EPHA5: variants seen among roughly 807,000 people sequenced by gnomAD.
The protein encoded by EPHA5 is EPH receptor A5, also known as ephrin type-A receptor 5.
In EPHA5, 60 loss-of-function variants were observed where a neutral mutation model predicts 105.0. The ratio of observed to expected loss-of-function variants is 0.57; its 90% confidence interval spans 0.46 to 0.71. The LOEUF is 0.71. Among genes scored for constraint, EPHA5 ranks in the 30% least tolerant of loss-of-function variants. EPHA5 has a pLI of 0.00. For synonymous variants in EPHA5, 513 were observed against 449.1 expected (o/e 1.14, Z -1.80); for missense variants, 1,218 against 1,274.7 (o/e 0.96, Z 0.68).
chr4:65,635,756 A>G (rs1489002105), intron 2 of EPHA5, among the ~76,000 whole-genome samples: 7 of 152,206 alleles, frequency 4.6e-5, no homozygotes, highest in Non-Finnish European at 7.3e-5. Flanking sequence ...GGCTTAGACT[A>G]TATAAATTAA....
chr4:65,324,189 G>C lies in EPHA5; in HGVS notation c.2976C>G (p.Val992=), dbSNP rs756045103. ...EDLRRLGVTL[V]GHQKKIMNSL... ...TGTTCATGATCTTCTTCTGGTGACC[G>C]ACAAGAGTCACTCCAAGCCGTCTCA... Residue 992 remains valine, a synonymous_variant, in exon 17 of 17, where the codon GTC becomes GTG. Coordinates refer to ENST00000613740, the MANE Select transcript of EPHA5 (RefSeq NM_001281766.3). 1 of 1,609,058 alleles carries C rather than the reference G, an allele frequency of 6.2e-7. No individual in the cohort carries two copies. Among genetic ancestry groups the C allele is most frequent in the Non-Finnish European group, 8.5e-7 (1 of 1,176,764 alleles).
chr4:65,324,383 C>A (rs1000229411), intron 16 of EPHA5, among the ~76,000 whole-genome samples, 164 bp from the exon 17 acceptor site: 1 of 151,368 alleles, frequency 6.6e-6, no homozygotes, highest in South Asian at 2.1e-4. Context: ...AAAATTATAC[C>A]TCCAAAATCT....
intron 5 of EPHA5, among the ~76,000 whole-genome samples, chr4:65,477,068 T>A (rs1484470328): frequency 6.6e-6 from 1 of 152,244 alleles, no homozygotes; most frequent in African/African-American, 2.4e-5. Flanking sequence ...TCACGAGTGG[T>A]AAGAACTGTT....
intron 5 of EPHA5, among the ~76,000 whole-genome samples, chr4:65,459,461 A>T (rs1250426803): frequency 6.6e-6 from 1 of 151,896 alleles, no homozygotes; most frequent in Admixed American, 6.6e-5. Flanking sequence ...ATATATATAA[A>T]TACTTTCATT....
At chr4:65,624,601 T>C (rs1285997681) in intron 2 of EPHA5, among the ~76,000 whole-genome samples, 1 of 152,204 alleles carries the variant, frequency 6.6e-6, no homozygotes, top group Non-Finnish European at 1.5e-5. Context: ...TAAAATTCAA[T>C]AAACACAATG....
At chr4:65,339,912 C>T (rs1721549527) in intron 14 of EPHA5, among the ~76,000 whole-genome samples, 1 of 152,178 alleles carries the variant, frequency 6.6e-6, no homozygotes, top group Non-Finnish European at 1.5e-5. Context: ...GACAGTGGCC[C>T]TGGCTGTGAG....
At chr4:65,591,003 C>T (rs1475590347) in intron 3 of EPHA5, among the ~76,000 whole-genome samples, 1 of 152,026 alleles carries the variant, frequency 6.6e-6, no homozygotes, top group Non-Finnish European at 1.5e-5. Context: ...TGTGTGATAT[C>T]AGGCAGGTTA....
At chr4:65,498,190 G>C (rs891290272) in intron 3 of EPHA5, among the ~76,000 whole-genome samples, 1 of 151,874 alleles carries the variant, frequency 6.6e-6, no homozygotes, top group East Asian at 1.9e-4. Flanking sequence ...AGATACTAAA[G>C]AATTGATCAA....
chr4:65,320,428 T>G lies in EPHA5; in HGVS notation c.*3686A>C, dbSNP rs1577794770. On this transcript the variant is annotated 3_prime_UTR_variant, in exon 17 of 17. Transcript: ENST00000613740. ...TGGCAGGACATTAGCAAAGACAGTT[T>G]ACTATCACACTTCTTTTTTTTCTTA... 4.4e-6 allele frequency: 1 copy of G among 229,836 alleles called. No individual in the cohort carries two copies. The highest frequency in any genetic ancestry group is 1.8e-4 in the South Asian group (1 of 5,508). 14.2% of individuals were successfully genotyped at this position (229,836 alleles called of 1,614,324 possible).
chr4:65,668,864 C>T (rs1222821012), intron 1 of EPHA5, among the ~76,000 whole-genome samples: 2 of 151,920 alleles, frequency 1.3e-5, no homozygotes, highest in Non-Finnish European at 2.9e-5. Flanking sequence ...CCTCCTGCCG[C>T]GGCATCCCAC....
At chr4:65,532,251 G>A (rs911995149) in intron 3 of EPHA5, among the ~76,000 whole-genome samples, 68 of 151,980 alleles carry the variant, frequency 4.5e-4, no homozygotes, top group Non-Finnish European at 7.2e-4. Flanking sequence ...ATTAGTAATG[G>A]AATTTAATGT....
At chr4:65,396,443 G>A (rs1388609633) in intron 8 of EPHA5, among the ~76,000 whole-genome samples, 2 of 152,130 alleles carry the variant, frequency 1.3e-5, no homozygotes, top group Admixed American at 6.5e-5. Flanking sequence ...TGAAAAGCAG[G>A]CCACCCTGCA....
At chr4:65,598,613 C>A (rs138602946) in intron 3 of EPHA5, among the ~76,000 whole-genome samples, 2 of 152,172 alleles carry the variant, frequency 1.3e-5, no homozygotes, top group African/African-American at 4.8e-5. Context: ...AATAATAGTT[C>A]TAAATTGTTT....
intron 5 of EPHA5, among the ~76,000 whole-genome samples, chr4:65,461,723 G>T (rs1728139931): frequency 6.6e-6 from 1 of 151,884 alleles, no homozygotes; most frequent in Non-Finnish European, 1.5e-5. Context: ...CACATTTAAT[G>T]GGTACAGCAA....
intron 3 of EPHA5, among the ~76,000 whole-genome samples, chr4:65,530,027 G>T (rs1404404466): frequency 6.6e-6 from 1 of 152,038 alleles, no homozygotes; most frequent in Non-Finnish European, 1.5e-5. Context: ...TGTGTCCTTT[G>T]TTGTGACAGG....
chr4:65,327,122 G>T (rs999847386), intron 16 of EPHA5, among the ~76,000 whole-genome samples: 1 of 151,044 alleles, frequency 6.6e-6, no homozygotes, highest in Non-Finnish European at 1.5e-5. Flanking sequence ...CAATGTTTCG[G>T]TAGTTTAAAT....
At chr4:65,429,575 A>T (rs955215448) in intron 5 of EPHA5, among the ~76,000 whole-genome samples, 13 of 152,084 alleles carry the variant, frequency 8.5e-5, no homozygotes, top group Non-Finnish European at 1.5e-4. Flanking sequence ...AAACAAACAC[A>T]TCATAAATAT....
chr4:65,592,473 A>G (rs1218908589), intron 3 of EPHA5, among the ~76,000 whole-genome samples: 2 of 152,118 alleles, frequency 1.3e-5, no homozygotes, highest in African/African-American at 4.8e-5. Flanking sequence ...AACTTTAAAA[A>G]GCTGGCTACA....
intron 2 of EPHA5, among the ~76,000 whole-genome samples, chr4:65,624,407 G>A (rs950140063): frequency 5.9e-5 from 9 of 152,130 alleles, no homozygotes; most frequent in Non-Finnish European, 8.8e-5. Context: ...GTTGCCACAC[G>A]TTGATGGATG....
Sources: gnomAD v4.1 joint callset for allele counts (sites outside exome capture counted in the v4.1 genomes callset) on GRCh38, gnomAD v4.1.1 for gene constraint, MANE v1.5 for transcripts, NCBI Gene and HGNC (gene_info 2026-07-23, HGNC 2026-07-21) for gene names.